HERC3: variants seen among roughly 807,000 people sequenced by gnomAD.
The protein encoded by HERC3 is HECT and RLD domain containing E3 ubiquitin protein ligase 3.
Under a neutral mutation model 129.9 loss-of-function variants are expected in HERC3, and 58 were observed. The observed-to-expected ratio is 0.45, with a 90% confidence interval of 0.36 to 0.56. HERC3 has a LOEUF of 0.56. Ranked by LOEUF, HERC3 falls within the 20% of genes least tolerant of loss-of-function variation. The pLI is 0.00. For missense variants in HERC3, 835 were observed against 1,244.2 expected, an observed-to-expected ratio of 0.67 and a Z score of 4.95; for synonymous variants, 430 against 451.0, an observed-to-expected ratio of 0.95 and a Z score of 0.59.
At chr4:88,628,716 A>G (rs1191512381) in intron 3 of HERC3, among the ~76,000 whole-genome samples, 2 of 152,200 alleles carry the variant, frequency 1.3e-5, no homozygotes, top group African/African-American at 4.8e-5. Context: ...TTGCATTATA[A>G]TCTATAGCGA....
intron 23 of HERC3, among the ~76,000 whole-genome samples, chr4:88,691,792 A>C (rs562790060): frequency 3.6e-4 from 55 of 152,386 alleles, no homozygotes; most frequent in African/African-American, 1.3e-3. Context: ...TATATGCCAT[A>C]ATGTAGTCAT....
chr4:88,536,231 T>C, the HERC3 span, among the ~76,000 whole-genome samples: 7 of 152,334 alleles, frequency 4.6e-5, no homozygotes, highest in Non-Finnish European at 7.3e-5. Context: ...CTATTTGTTG[T>C]CCCCATAATA....
At chr4:88,535,995 C>A in the HERC3 span, among the ~76,000 whole-genome samples, 11 of 152,184 alleles carry the variant, frequency 7.2e-5, no homozygotes, top group Admixed American at 2.0e-4. Context: ...TCTCATGGGG[C>A]TAGGATGACC....
At chr4:88,679,406 A>AT (rs1732514319) in intron 19 of HERC3, among the ~76,000 whole-genome samples, 1 of 151,430 alleles carries the variant, frequency 6.6e-6, no homozygotes, top group African/African-American at 2.4e-5. Flanking sequence ...ATGAAAAATC[A>AT]TTTTTTTCTA....
At chr4:88,625,074 C>A (rs1254533014) in intron 3 of HERC3, among the ~76,000 whole-genome samples, 1 of 152,138 alleles carries the variant, frequency 6.6e-6, no homozygotes, top group Non-Finnish European at 1.5e-5. Context: ...TAGTATTACA[C>A]TGTGTTGATT....
chr4:88,562,036 G>A, the HERC3 span, among the ~76,000 whole-genome samples: 1 of 152,100 alleles, frequency 6.6e-6, no homozygotes, highest in East Asian at 1.9e-4. Flanking sequence ...GGATCACATG[G>A]CAGTTCTATT....
chr4:88,694,300 C>G (rs1333205086), intron 23 of HERC3, among the ~76,000 whole-genome samples: 1 of 152,154 alleles, frequency 6.6e-6, no homozygotes, highest in Non-Finnish European at 1.5e-5. Context: ...TTATGTATTT[C>G]TCTAGTAGGA....
At chr4:88,632,305 G>T (rs181160407) in intron 3 of HERC3, among the ~76,000 whole-genome samples, 2 of 152,300 alleles carry the variant, frequency 1.3e-5, no homozygotes, top group South Asian at 2.1e-4. Context: ...CAGTGCAAAG[G>T]CTTTGAAAAC....
chr4:88,671,083 G>A (rs1731566118), intron 16 of HERC3, among the ~76,000 whole-genome samples: 1 of 152,002 alleles, frequency 6.6e-6, no homozygotes, highest in Admixed American at 6.6e-5. Context: ...GGGGCCTGTG[G>A]ATTCCTGCCT....
At chr4:88,524,244 G>T in the HERC3 span, among the ~76,000 whole-genome samples, 2 of 152,182 alleles carry the variant, frequency 1.3e-5, no homozygotes, top group Non-Finnish European at 2.9e-5. Flanking sequence ...GTGAGAACCT[G>T]GAAGGAAGGG....
the HERC3 span, chr4:88,524,838 C>T: frequency 4.6e-5 from 7 of 152,058 alleles, no homozygotes; most frequent in Non-Finnish European, 7.4e-5. Flanking sequence ...GAATATCAAC[C>T]TGAACTTTTT....
At chr4:88,625,639 T>C (rs1454423433) in intron 3 of HERC3, among the ~76,000 whole-genome samples, 1 of 152,194 alleles carries the variant, frequency 6.6e-6, no homozygotes, top group Non-Finnish European at 1.5e-5. Context: ...TTTTCTTGCC[T>C]TATTTCACTT....
chr4:88,555,875 C>T, the HERC3 span, among the ~76,000 whole-genome samples: 1 of 152,084 alleles, frequency 6.6e-6, no homozygotes, highest in African/African-American at 2.4e-5. Flanking sequence ...ACCTGTTAAG[C>T]TCCAGTGAGA....
At chr4:88,690,394 G>A in intron 23 of HERC3, 7 of 985,312 alleles carry the variant, frequency 7.1e-6, no homozygotes, top group Non-Finnish European at 8.4e-6. Context: ...GTAGATGCGT[G>A]TGAGTACGTA....
At chr4:88,695,322 T>G (rs1274999547) in intron 23 of HERC3, among the ~76,000 whole-genome samples, 1 of 152,206 alleles carries the variant, frequency 6.6e-6, no homozygotes. Context: ...TTTGCTTCTT[T>G]GTAATTTTAA....
At chr4:88,599,081 C>T (rs549681920) in intron 2 of HERC3, among the ~76,000 whole-genome samples, 11 of 152,126 alleles carry the variant, frequency 7.2e-5, no homozygotes, top group Non-Finnish European at 1.6e-4. Context: ...GTGTAAGGAC[C>T]TTGGAGATCA....
chr4:88,534,169 G>A, the HERC3 span, among the ~76,000 whole-genome samples: 11 of 152,138 alleles, frequency 7.2e-5, no homozygotes, highest in South Asian at 2.1e-4. Flanking sequence ...AACAGCTTCC[G>A]GATGCTGCTG....
At chr4:88,626,878 G>A (rs1369226857) in intron 3 of HERC3, among the ~76,000 whole-genome samples, 1 of 137,188 alleles carries the variant, frequency 7.3e-6, no homozygotes, top group African/African-American at 2.9e-5. Flanking sequence ...TATTCTTTTT[G>A]TTTGTTTTGT....
chr4:88,673,554 C>T (rs1006332569), intron 16 of HERC3, among the ~76,000 whole-genome samples: 3 of 152,114 alleles, frequency 2.0e-5, no homozygotes, highest in Non-Finnish European at 4.4e-5. Flanking sequence ...CTGTGATACT[C>T]ATTTTTGAGG....
Sources: gnomAD v4.1 joint callset for allele counts (sites outside exome capture counted in the v4.1 genomes callset) on GRCh38, gnomAD v4.1.1 for gene constraint, MANE v1.5 for transcripts, NCBI Gene and HGNC (gene_info 2026-07-23, HGNC 2026-07-21) for gene names.